The following SORCS2 variants were observed in gnomAD, a reference collection of about 807,000 sequenced individuals.
SORCS2 encodes VPS10 domain-containing receptor SorCS2.
In SORCS2, 100 loss-of-function variants were observed where a neutral mutation model predicts 141.6. The observed-to-expected ratio is 0.71, with a 90% confidence interval of 0.60 to 0.83. The LOEUF is 0.83. SORCS2 is among the 40% of genes least tolerant of loss of function. SORCS2 has a pLI of 0.00. For missense variants in SORCS2, 1,646 were observed against 1,560.2 expected, an observed-to-expected ratio of 1.05 and a Z score of -0.93; for synonymous variants, 789 against 676.9, an observed-to-expected ratio of 1.17 and a Z score of -2.57.
rs567678084 is a variant in SORCS2 at position 7,413,450 on chromosome 4, G to A, written c.548+17095G>A. On this transcript the variant is annotated intron_variant, in intron 2 of 26. Coordinates refer to ENST00000507866, the MANE Select transcript of SORCS2 (RefSeq NM_020777.3). ...ATTCTGTCACCCAGGCTGGAGTTCA[G>A]TGGTGTGATCTTGGCTCACTGCAAC... Among the ~76,000 whole-genome samples the A allele has an allele frequency of 4.1e-5, 5 of 121,668 alleles. No individual in the cohort carries two copies. In the South Asian group the frequency reaches 1.5e-3, roughly 37 times the overall value. The allele number at this position is 121,668 out of a possible 152,430, so 79.8% of individuals were successfully genotyped here. A position where few individuals can be genotyped will look rare whatever the true frequency, so the allele number is the denominator to read the frequency against.
Position 7,475,220 on chromosome 4 carries a change from G to A in SORCS2, c.549-56310G>A, listed in dbSNP as rs567369037. ...TAGGGTGCCGCCGTGCCTGGGACTTGGCAGGTGGAAAGTCCCAGGCAGGAA... is the reference window on the plus strand; with the variant it reads ...TAGGGTGCCGCCGTGCCTGGGACTTAGCAGGTGGAAAGTCCCAGGCAGGAA... On this transcript the variant is annotated intron_variant, in intron 2 of 26. Transcript: ENST00000507866. Among the ~76,000 whole-genome samples, 7 of 152,214 alleles carry A rather than the reference G, an allele frequency of 4.6e-5. 1 individual carries two copies. The South Asian group carries it at 1.5e-3, about 32-fold the overall frequency.
chr4:7,713,648 CTATCGGATAGGGAGGGCG>C lies in SORCS2; in HGVS notation c.1990-591_1990-574del, dbSNP rs1330371163. Among the ~76,000 whole-genome samples, 3 of 152,270 alleles carry C rather than the reference CTATCGGATAGGGAGGGCG, an allele frequency of 2.0e-5. No homozygotes were observed. In the East Asian group the frequency reaches 5.8e-4, roughly 29 times the overall value. On this transcript the variant is annotated intron_variant, in intron 15 of 26. Transcript: ENST00000507866. ...GGGGGGCAGTGGGGGATGAGGAAGCCTATCGGATAGGGAGGGCGATCGGATATCAAGGGTGGGCGGTGC... is the reference window on the plus strand; with the variant it reads ...GGGGGGCAGTGGGGGATGAGGAAGCCATCGGATATCAAGGGTGGGCGGTGC...
At chr4:7,334,041 G>A (rs1331571869) in intron 1 of SORCS2, among the ~76,000 whole-genome samples, 3 of 152,138 alleles carry the variant, frequency 2.0e-5, no homozygotes, top group Non-Finnish European at 4.4e-5. Flanking sequence ...ACAGCTTCCT[G>A]AGGCTCCGCG....
rs1418706595 is a variant in SORCS2, at chr4:7,664,347, C to T, written c.953-6C>T. On this transcript the variant is annotated splice_region_variant and splice_polypyrimidine_tract_variant and intron_variant, in intron 6 of 26. Coordinates refer to ENST00000507866, the MANE Select transcript of SORCS2 (RefSeq NM_020777.3). This position sits in a 1 kb window ranked among gnomAD's most constrained non-coding sequence, Gnocchi z 4.7. Reference sequence around the variant, plus strand: ...GACCGCCTGGGTCGGCGCCTCTCTCCTGTAGATTTTCGGTACGTCACCTGC... The same window carrying T: ...GACCGCCTGGGTCGGCGCCTCTCTCTTGTAGATTTTCGGTACGTCACCTGC... 6.2e-7 allele frequency: 1 copy of T among 1,612,386 alleles called. No individual in the cohort carries two copies.
intron 1 of SORCS2, among the ~76,000 whole-genome samples, chr4:7,199,562 G>T (rs1016262248): frequency 9.2e-5 from 14 of 152,032 alleles, no homozygotes; most frequent in African/African-American, 3.4e-4. Flanking sequence ...CCTGGCTGGG[G>T]TCCGAGGGAG....
At chr4:7,270,868 G>A (rs943437103) in intron 1 of SORCS2, among the ~76,000 whole-genome samples, 2 of 152,200 alleles carry the variant, frequency 1.3e-5, no homozygotes, top group African/African-American at 4.8e-5. Context: ...TAGAAACCCA[G>A]CCCCACCGAA....
At chr4:7,650,482 C>A (rs961566292) in intron 4 of SORCS2, among the ~76,000 whole-genome samples, 7 of 152,202 alleles carry the variant, frequency 4.6e-5, no homozygotes, top group Non-Finnish European at 8.8e-5. Context: ...AGGCTCAGAA[C>A]AGCGTTGGAG....
chr4:7,676,824 T>TCTCTCTCCCTCTCTCTCTCTCCCC (rs765132758), intron 9 of SORCS2, among the ~76,000 whole-genome samples: 2 of 49,078 alleles, frequency 4.1e-5, no homozygotes, highest in African/African-American at 1.8e-4. Flanking sequence ...TCTCTCTCTC[T>TCTCTCTCCCTCTCTCTCTCTCCCC]CTCTCCCTCT....
chr4:7,669,211 C>A (rs1261456099), intron 8 of SORCS2, among the ~76,000 whole-genome samples: 1 of 152,220 alleles, frequency 6.6e-6, no homozygotes, highest in African/African-American at 2.4e-5. Context: ...CAGTGACAGA[C>A]ACACACCCAG....
intron 3 of SORCS2, among the ~76,000 whole-genome samples, chr4:7,539,358 C>G (rs1054473679): frequency 6.6e-6 from 1 of 152,224 alleles, no homozygotes; most frequent in African/African-American, 2.4e-5. Flanking sequence ...CCCAGCTTCA[C>G]AGGACTGTGC....
intron 3 of SORCS2, among the ~76,000 whole-genome samples, chr4:7,633,161 G>T (rs1210016538): frequency 6.6e-6 from 1 of 152,182 alleles, no homozygotes; most frequent in Non-Finnish European, 1.5e-5. Context: ...TGGCAGGAGT[G>T]GGGGTGTCTT....
chr4:7,295,994 G>A (rs1156705271), intron 1 of SORCS2, among the ~76,000 whole-genome samples: 1 of 152,226 alleles, frequency 6.6e-6, no homozygotes, highest in Non-Finnish European at 1.5e-5. Context: ...GTGGAGCAGA[G>A]CCCTGTGGGA....
chr4:7,739,086 C>T (rs778919444), intron 26 of SORCS2, among the ~76,000 whole-genome samples: 2 of 152,186 alleles, frequency 1.3e-5, no homozygotes, highest in South Asian at 2.1e-4. Flanking sequence ...AGGCAGTCAT[C>T]GACATTGCGC....
chr4:7,543,759 CCCACCCATCCG>C (rs1712950329), intron 3 of SORCS2, among the ~76,000 whole-genome samples: 1 of 36,534 alleles, frequency 2.7e-5, no homozygotes, highest in Non-Finnish European at 4.8e-5. Flanking sequence ...CACCCATCCA[CCCACCCATCCG>C]TCCATCCATC....
chr4:7,237,414 G>A (rs1712364716), intron 1 of SORCS2, among the ~76,000 whole-genome samples: 1 of 152,260 alleles, frequency 6.6e-6, no homozygotes, highest in Admixed American at 6.5e-5. Flanking sequence ...TGGCCACAGT[G>A]ACCCACAGTG....
At chr4:7,700,425 G>A (rs1724986856) in intron 12 of SORCS2, among the ~76,000 whole-genome samples, 1 of 152,092 alleles carries the variant, frequency 6.6e-6, no homozygotes. Context: ...AATCTGTAGG[G>A]GCCAGGCCTG....
At chr4:7,436,182 G>T (rs1304316027) in intron 2 of SORCS2, among the ~76,000 whole-genome samples, 2 of 152,214 alleles carry the variant, frequency 1.3e-5, no homozygotes, top group Non-Finnish European at 2.9e-5. Flanking sequence ...GGTGAGCCTG[G>T]GTGTGCTCAG....
intron 3 of SORCS2, among the ~76,000 whole-genome samples, chr4:7,636,320 C>T (rs73202512): frequency 0.026 from 3,885 of 152,328 alleles, 67 homozygotes; most frequent in Middle Eastern, 0.041. Flanking sequence ...CGCATCTCTG[C>T]GGCGCCCGGT....
Position 7,682,891 on chromosome 4 carries a change from T to G in SORCS2, c.1488+2T>G. ...GGAAAACCAACCAACTGCAAGCCTG[T>G]AAGTACCTCTGCTCACATCACACAC... is the stretch of plus-strand genomic sequence containing the variant. On this transcript the variant is annotated splice_donor_variant, in intron 10 of 26. Coordinates refer to ENST00000507866, the MANE Select transcript of SORCS2 (RefSeq NM_020777.3). LOFTEE classifies it high-confidence loss of function. The G allele has an allele frequency of 6.2e-7, 1 of 1,613,010 alleles. No individual in the cohort carries two copies.
Sources: gnomAD v4.1 joint callset for allele counts (sites outside exome capture counted in the v4.1 genomes callset) on GRCh38, gnomAD v4.1.1 for gene constraint, Gnocchi (gnomAD v3.1) non-coding constraint, MANE v1.5 for transcripts, NCBI Gene and HGNC (gene_info 2026-07-23, HGNC 2026-07-21) for gene names.